Variants in GASK1A observed in about 807,000 individuals in gnomAD.
The protein encoded by GASK1A is golgi associated kinase 1A.
In GASK1A, 40 loss-of-function variants were observed where a neutral mutation model predicts 41.2. The observed-to-expected ratio is 0.97, with a 90% CI of 0.75 to 1.27. The LOEUF is 1.27. Among genes scored for constraint, GASK1A ranks in the 50% most tolerant of loss-of-function variants. The probability of loss-of-function intolerance (pLI) is 0.00; values close to 1 mark genes in which losing one functional copy is unlikely to be tolerated. For missense variants in GASK1A, 678 were observed against 745.1 expected (o/e 0.91, Z 1.05); for synonymous variants, 316 against 307.1 (o/e 1.03, Z -0.30).
intron 1 of GASK1A, among the ~76,000 whole-genome samples, chr3:43,005,701 C>T (rs1225788133): frequency 1.3e-5 from 2 of 152,066 alleles, no homozygotes; most frequent in Non-Finnish European, 2.9e-5. Flanking sequence ...AAAAAAAAAT[C>T]GTAGGCTGGG....
At chr3:43,005,964 G>T (rs1379474246) in intron 1 of GASK1A, among the ~76,000 whole-genome samples, 1 of 152,186 alleles carries the variant, frequency 6.6e-6, no homozygotes, top group African/African-American at 2.4e-5. Context: ...CCGCTGGGGG[G>T]CTTGGAACGT....
At chr3:43,040,419 T>C (rs1193443603) in intron 2 of GASK1A, among the ~76,000 whole-genome samples, 1 of 152,194 alleles carries the variant, frequency 6.6e-6, no homozygotes, top group Non-Finnish European at 1.5e-5. Flanking sequence ...ACTTGGTCCT[T>C]CTCACTGCTC....
At chr3:43,027,653 G>A (rs933156920) in intron 1 of GASK1A, among the ~76,000 whole-genome samples, 1 of 151,862 alleles carries the variant, frequency 6.6e-6, no homozygotes, top group African/African-American at 2.4e-5. Context: ...AGACAATTAA[G>A]GGCATACAAT....
At chr3:42,989,503 A>G (rs569963933) in intron 1 of GASK1A, among the ~76,000 whole-genome samples, 10 of 152,026 alleles carry the variant, frequency 6.6e-5, no homozygotes, top group Admixed American at 5.2e-4. Context: ...GTTTTCCTCA[A>G]TTTTCCTTTT....
At chr3:43,046,724 A>T (rs1207189072) in intron 2 of GASK1A, among the ~76,000 whole-genome samples, 1 of 152,190 alleles carries the variant, frequency 6.6e-6, no homozygotes, top group African/African-American at 2.4e-5. Context: ...CAACCATCTC[A>T]TCACAGGTCC....
At chr3:43,037,028 G>C in intron 2 of GASK1A, 1 of 469,644 alleles carries the variant, frequency 2.1e-6, no homozygotes, top group South Asian at 3.8e-5. Context: ...TAACACATGA[G>C]GCAAGGGTGG....
At chr3:42,980,449 T>A (rs1051552659) in intron 1 of GASK1A, among the ~76,000 whole-genome samples, 3 of 152,228 alleles carry the variant, frequency 2.0e-5, no homozygotes, top group African/African-American at 7.2e-5. Flanking sequence ...ACTGGGCTCC[T>A]GCAGTTCACT....
intron 1 of GASK1A, among the ~76,000 whole-genome samples, chr3:42,988,649 T>G (rs1042478669): frequency 6.6e-5 from 10 of 152,358 alleles, no homozygotes; most frequent in African/African-American, 2.4e-4. Flanking sequence ...TTTCAGCTTG[T>G]GAGCATGCCA....
At chr3:43,017,746 CA>C (rs1439736963) in intron 1 of GASK1A, among the ~76,000 whole-genome samples, 1 of 150,664 alleles carries the variant, frequency 6.6e-6, no homozygotes, top group Non-Finnish European at 1.5e-5. Context: ...CGTGAAGCCA[CA>C]GGGGGCCGTC....
intron 1 of GASK1A, among the ~76,000 whole-genome samples, chr3:42,990,349 CA>C (rs74270677): frequency 0.24 from 25,980 of 108,534 alleles, 2,407 homozygotes; most frequent in African/African-American, 0.27. Flanking sequence ...GACCCCGTCT[CA>C]AAAAAAAAAA....
At chr3:43,040,363 C>T (rs1157595664) in intron 2 of GASK1A, among the ~76,000 whole-genome samples, 1 of 152,124 alleles carries the variant, frequency 6.6e-6, no homozygotes, top group Admixed American at 6.5e-5. Context: ...CAGAGTCACA[C>T]TGTTTGAATT....
intron 2 of GASK1A, among the ~76,000 whole-genome samples, chr3:43,049,981 C>T (rs1040278387): frequency 1.3e-5 from 2 of 150,548 alleles, no homozygotes; most frequent in East Asian, 1.9e-4. Flanking sequence ...ATTTTCTGCC[C>T]ATCAGTATAG....
intron 2 of GASK1A, among the ~76,000 whole-genome samples, chr3:43,052,854 C>G (rs1006192931): frequency 1.3e-5 from 2 of 152,214 alleles, no homozygotes; most frequent in African/African-American, 4.8e-5. Flanking sequence ...TGCTGACTTT[C>G]AGGCTGCACC....
chr3:43,038,795 A>G (rs1406281811), intron 2 of GASK1A, among the ~76,000 whole-genome samples: 1 of 152,212 alleles, frequency 6.6e-6, no homozygotes, highest in African/African-American at 2.4e-5. Context: ...TCATCACATT[A>G]GTGATCAGAA....
chr3:42,988,176 A>G (rs1445123473), intron 1 of GASK1A, among the ~76,000 whole-genome samples: 1 of 151,676 alleles, frequency 6.6e-6, no homozygotes, highest in Non-Finnish European at 1.5e-5. Flanking sequence ...ACTGCTGGAG[A>G]GTGGGTAGGG....
intron 1 of GASK1A, among the ~76,000 whole-genome samples, chr3:42,995,619 G>A (rs1330068479): frequency 1.3e-5 from 2 of 152,114 alleles, no homozygotes; most frequent in South Asian, 2.1e-4. Context: ...GTGGATGTCC[G>A]GTGAAGAGCG....
intron 1 of GASK1A, among the ~76,000 whole-genome samples, chr3:43,015,847 G>A (rs2089488366): frequency 1.3e-5 from 2 of 151,798 alleles, no homozygotes; most frequent in South Asian, 4.2e-4. Flanking sequence ...GCTGTGTGAT[G>A]CCACAGGAAG....
Position 42,984,102 on chromosome 3 carries a change from T to G in GASK1A, c.3+4457T>G, listed in dbSNP as rs2089294827. Reference sequence around the variant, plus strand: ...TGCTGTGAGTCACCTGGGGCTGTCTTTGCTTGGATCATCTTGTGATGTGAC... The same window carrying G: ...TGCTGTGAGTCACCTGGGGCTGTCTGTGCTTGGATCATCTTGTGATGTGAC... On this transcript the variant is annotated intron_variant, in intron 1 of 4. Coordinates refer to ENST00000430121, the MANE Select transcript of GASK1A (RefSeq NM_001129908.3). This position sits in a 1 kb window ranked among gnomAD's most constrained non-coding sequence, Gnocchi z 4.2. Among the ~76,000 whole-genome samples, 1 of 152,012 alleles carries G rather than the reference T, an allele frequency of 6.6e-6. No individual in the cohort carries two copies.
chr3:43,044,945 G>A (rs1381695415), intron 2 of GASK1A, among the ~76,000 whole-genome samples: 2 of 152,122 alleles, frequency 1.3e-5, no homozygotes, highest in Non-Finnish European at 2.9e-5. Context: ...TATGGAGGCT[G>A]TGAAGGCCCC....
Sources: allele counts gnomAD v4.1 joint callset (sites outside exome capture counted in the v4.1 genomes callset), GRCh38; gene constraint gnomAD v4.1.1; non-coding constraint Gnocchi (gnomAD v3.1); transcripts MANE v1.5; gene names NCBI Gene and HGNC (gene_info 2026-07-23, HGNC 2026-07-21).